BNC1: variants seen among roughly 807,000 people sequenced by gnomAD.
The protein encoded by BNC1 is basonuclin zinc finger protein 1, also known as zinc finger protein basonuclin-1.
Under a neutral mutation model 66.5 loss-of-function variants are expected in BNC1, and 8 were observed. The observed-to-expected ratio is 0.12, with a 90% CI of 0.07 to 0.22. The LOEUF (loss-of-function observed/expected upper bound fraction) is 0.22. Ranked by LOEUF, BNC1 falls within the 10% of genes least tolerant of loss-of-function variation. The pLI is 1.00. For missense variants in BNC1, 1,069 were observed against 1,241.3 expected (o/e 0.86, Z 2.09); for synonymous variants, 454 against 452.6 (o/e 1.00, Z -0.04).
At chr15:83,282,997 C>T (rs1350444358) in intron 1 of BNC1, 1 of 1,041,936 alleles carries the variant, frequency 9.6e-7, no homozygotes, top group East Asian at 2.6e-5. Flanking sequence ...AATGCCCTGG[C>T]CTTCAGAGGA....
At chr15:83,283,266 T>G (rs1206574610) in intron 1 of BNC1, 24 of 1,533,566 alleles carry the variant, frequency 1.6e-5, no homozygotes, top group Non-Finnish European at 2.0e-5. Flanking sequence ...TCTCCTTCAC[T>G]CGCCTCGCCA....
intron 4 of BNC1, among the ~76,000 whole-genome samples, chr15:83,260,770 G>C (rs2038131519): frequency 6.6e-6 from 1 of 152,234 alleles, no homozygotes; most frequent in Non-Finnish European, 1.5e-5. Context: ...GCTGGCAGTA[G>C]CAGTGGCTCA....
rs1397698824 is a variant in BNC1, at chr15:83,263,833, C to T, written c.1418G>A (p.Gly473Glu). 2 of 1,614,122 alleles carry T rather than the reference C, an allele frequency of 1.2e-6. No homozygotes were observed. The highest frequency in any genetic ancestry group is 1.7e-5 in the Admixed American group (1 of 60,016). ...SKGQPAFPNI[G>E]QNGVLFPNLK... Reference sequence around the variant, plus strand: ...GTTGGGAAAAAGCACACCATTTTGCCCAATGTTTGGGAAGGCTGGTTGGCC... The same window carrying T: ...GTTGGGAAAAAGCACACCATTTTGCTCAATGTTTGGGAAGGCTGGTTGGCC... The change falls in exon 4 of 5, where the codon GGG becomes GAG. Residue 473 changes from glycine to glutamate, a missense_variant. Physicochemically the swap from Gly to Glu is moderately conservative, Grantham distance 98 (BLOSUM62 -2). Coordinates refer to ENST00000345382, the MANE Select transcript of BNC1 (RefSeq NM_001717.4).
In BNC1 at chr15:83,256,950, C is replaced by CA. The variant is rs2038080612; in HGVS notation, c.*491dup. On this transcript the variant is annotated 3_prime_UTR_variant, in exon 5 of 5. Transcript: ENST00000345382. Reference sequence around the variant, plus strand: ...TCCACTCCAAACACAGGGATGGTCTCAAAAAATCAGTCTTCCAAACTCAGG... The same window carrying CA: ...TCCACTCCAAACACAGGGATGGTCTCAAAAAAATCAGTCTTCCAAACTCAGG... 2.5e-5 allele frequency: 4 copies of CA among 158,878 alleles called. No homozygotes were observed. Among genetic ancestry groups the CA allele is most frequent in the Non-Finnish European group, 4.1e-5 (3 of 72,376 alleles). The allele number at this position is 158,878 out of a possible 1,614,324, so 9.8% of individuals were successfully genotyped here. A position where few individuals can be genotyped will look rare whatever the true frequency, so the allele number is the denominator to read the frequency against.
At position 83,284,526 on chromosome 15, in the gene BNC1, T is replaced by G; in HGVS notation, c.99+4A>C. On this transcript the variant is annotated splice_donor_region_variant and intron_variant, in intron 1 of 4. Transcript: ENST00000345382. The stretch of plus-strand genomic sequence containing the variant: ...CCCGCGCCCGCGGAGGGCGCCGCGC[T>G]TACCTCGGCCATCCTGCGACCGCTG... 8.4e-7 allele frequency: 1 copy of G among 1,189,364 alleles called. No homozygotes were observed. The highest frequency in any genetic ancestry group is 5.5e-5 in the East Asian group (1 of 18,082). 73.7% of individuals were successfully genotyped at this position (1,189,364 alleles called of 1,614,324 possible). A position where few individuals can be genotyped will look rare whatever the true frequency, so the allele number is the denominator to read the frequency against.
rs1388271356 is a variant in BNC1 at position 83,257,344 on chromosome 15, C to T, written c.*98G>A. On this transcript the variant is annotated 3_prime_UTR_variant, in exon 5 of 5. Coordinates refer to ENST00000345382, the MANE Select transcript of BNC1 (RefSeq NM_001717.4). ...AGTCAAATCAAATACTTTTGCCTGA[C>T]TCGCCCCAAATGATATGAAACAGAA... 2.2e-6 allele frequency: 3 copies of T among 1,358,506 alleles called. No homozygotes were observed. Among genetic ancestry groups the T allele is most frequent in the Admixed American group, 2.3e-5 (1 of 44,378 alleles). The allele number at this position is 1,358,506 out of a possible 1,614,324, so 84.2% of individuals were successfully genotyped here. A position where few individuals can be genotyped will look rare whatever the true frequency, so the allele number is the denominator to read the frequency against.
intron 1 of BNC1, among the ~76,000 whole-genome samples, chr15:83,271,207 T>C (rs980457307): frequency 1.3e-5 from 2 of 151,864 alleles, no homozygotes; most frequent in Non-Finnish European, 2.9e-5. Flanking sequence ...ACCTGGGAGG[T>C]AGGGGTTGCA....
intron 4 of BNC1, among the ~76,000 whole-genome samples, chr15:83,260,682 C>T (rs1217900260): frequency 6.6e-6 from 1 of 152,208 alleles, no homozygotes; most frequent in Non-Finnish European, 1.5e-5. Context: ...CTAACATAGA[C>T]AGTTCTTAAT....
rs139095464 is a variant in BNC1, at chr15:83,264,668, T to C, written c.583A>G (p.Ile195Val). 1.2e-6 allele frequency: 2 copies of C among 1,614,052 alleles called. No homozygotes were observed. The highest frequency in any genetic ancestry group is 1.1e-5 in the South Asian group (1 of 91,074). The change falls in exon 4 of 5, where the codon ATA becomes GTA. Residue 195 changes from isoleucine (I) to valine (V), a missense_variant. Ile to Val is a conservative substitution (Grantham distance 29). This residue lies in a region of BNC1 where 181 missense variants were observed against 181.5 expected (regional missense o/e 1.00). Coordinates refer to ENST00000345382, the MANE Select transcript of BNC1 (RefSeq NM_001717.4). Reference sequence around the variant, plus strand: ...TCTACATTTGCTGTGGAAGGTGGTATGATGATGGATTGCTCTTCTTTCTCT... The same window carrying C: ...TCTACATTTGCTGTGGAAGGTGGTACGATGATGGATTGCTCTTCTTTCTCT... ...IQEKEEQSII[I>V]PPSTANVDIR...
Position 83,258,234 on chromosome 15 carries a change from G to A in BNC1, c.2301-108C>T. 10 of 1,172,334 alleles carry A rather than the reference G, an allele frequency of 8.5e-6. No individual in the cohort carries two copies. In the South Asian group the frequency reaches 1.3e-4, roughly 15 times the overall value. 72.6% of individuals were successfully genotyped at this position (1,172,334 alleles called of 1,614,324 possible). On this transcript the variant is annotated intron_variant, in intron 4 of 4. Coordinates refer to ENST00000345382, the MANE Select transcript of BNC1 (RefSeq NM_001717.4). ...ACCAGGAAAAACATGTGGTATGGGA[G>A]CACCGATGATAAGGGGGTAGGCCCC...
Position 83,263,840 on chromosome 15 carries a change from T to G in BNC1, c.1411A>C (p.Asn471His). ...AAAAGCACACCATTTTGCCCAATGT[T>G]TGGGAAGGCTGGTTGGCCTTTGGAA... The part of the protein sequence containing the change: ...EDSKGQPAFP[N>H]IGQNGVLFPN... The change falls in exon 4 of 5, where the codon AAC becomes CAC. Residue 471 changes from asparagine (N) to histidine (H), a missense_variant. By Grantham distance (68) the Asn-to-His change is moderately conservative (BLOSUM62 1). Around this residue, in one of 7 missense-constraint regions of BNC1, gnomAD observed 657 missense variants for 715.8 expected, o/e 0.92. Transcript: ENST00000345382. 6.2e-7 allele frequency: 1 copy of G among 1,614,108 alleles called. No individual in the cohort carries two copies. Among genetic ancestry groups the G allele is most frequent in the Non-Finnish European group, 8.5e-7 (1 of 1,180,012 alleles).
At chr15:83,271,203 G>A (rs2038266404) in intron 1 of BNC1, among the ~76,000 whole-genome samples, 1 of 152,126 alleles carries the variant, frequency 6.6e-6, no homozygotes, top group Non-Finnish European at 1.5e-5. Context: ...TTGAACCTGG[G>A]AGGTAGGGGT....
chr15:83,262,611 G>A (rs1249753932), intron 4 of BNC1, among the ~76,000 whole-genome samples: 2 of 152,186 alleles, frequency 1.3e-5, no homozygotes, highest in Non-Finnish European at 2.9e-5. Flanking sequence ...AAAAATTCAT[G>A]AATGTTGAAA....
intron 4 of BNC1, among the ~76,000 whole-genome samples, chr15:83,261,498 T>G (rs2038139935): frequency 6.6e-6 from 1 of 152,252 alleles, no homozygotes; most frequent in African/African-American, 2.4e-5. Context: ...AGTGTACCAT[T>G]TAACATTTAT....
chr15:83,258,814 A>G (rs1189365713), intron 4 of BNC1, among the ~76,000 whole-genome samples: 1 of 152,228 alleles, frequency 6.6e-6, no homozygotes, highest in Admixed American at 6.5e-5. Context: ...TGAAAGGATA[A>G]TATTTTGGAT....
At chr15:83,275,481 G>A (rs2038310849) in intron 1 of BNC1, among the ~76,000 whole-genome samples, 1 of 133,574 alleles carries the variant, frequency 7.5e-6, no homozygotes, top group Non-Finnish European at 1.5e-5. Flanking sequence ...GGGCGACAGA[G>A]ACTCCATCTC....
intron 1 of BNC1, among the ~76,000 whole-genome samples, chr15:83,275,478 A>T (rs1229096466): frequency 1.4e-5 from 2 of 147,672 alleles, no homozygotes; most frequent in African/African-American, 5.1e-5. Flanking sequence ...CCTGGGCGAC[A>T]GAGACTCCAT....
At chr15:83,269,198 T>C (rs1014512033) in intron 1 of BNC1, among the ~76,000 whole-genome samples, 2 of 152,204 alleles carry the variant, frequency 1.3e-5, no homozygotes, top group African/African-American at 2.4e-5. Flanking sequence ...CACTCCAGCC[T>C]GGGCGACAGA....
Position 83,257,148 on chromosome 15 carries a change from G to C in BNC1, c.*294C>G. ...CCCACTGGTGTCGATCTGCAGACCTGGATCTGTCCCAGGGAACATGTAAAC... is the reference window on the plus strand; with the variant it reads ...CCCACTGGTGTCGATCTGCAGACCTCGATCTGTCCCAGGGAACATGTAAAC... On this transcript the variant is annotated 3_prime_UTR_variant, in exon 5 of 5. Transcript: ENST00000345382. The C allele has an allele frequency of 2.4e-6, 1 of 424,714 alleles. No homozygotes were observed. The allele number at this position is 424,714 out of a possible 1,614,324, so 26.3% of individuals were successfully genotyped here. A position where few individuals can be genotyped will look rare whatever the true frequency, so the allele number is the denominator to read the frequency against.
Sources: gnomAD v4.1 joint callset for allele counts (sites outside exome capture counted in the v4.1 genomes callset) on GRCh38, gnomAD v4.1.1 for gene constraint, gnomAD v4.1.1 regional missense constraint, MANE v1.5 for transcripts, NCBI Gene and HGNC (gene_info 2026-07-23, HGNC 2026-07-21) for gene names.